RET: variants seen among roughly 807,000 people sequenced by gnomAD.
The protein encoded by RET is ret proto-oncogene.
RET carries 19 observed loss-of-function variants against 118.3 expected under a neutral mutation model. That is an observed-to-expected ratio of 0.16 (90% confidence interval 0.11 to 0.24). The LOEUF is 0.24. Among genes scored for constraint, RET ranks in the 10% least tolerant of loss-of-function variants. The pLI is 1.00. For missense variants in RET, 1,219 were observed against 1,502.1 expected (o/e 0.81, Z 3.12); for synonymous variants, 597 against 644.1 (o/e 0.93, Z 1.11).
intron 1 of RET, among the ~76,000 whole-genome samples, chr10:43,095,337 G>T (rs547132038): frequency 4.5e-4 from 69 of 152,258 alleles, no homozygotes; most frequent in African/African-American, 1.6e-3. Flanking sequence ...CCTAGAAAAG[G>T]CAGGTGTAAC....
chr10:43,121,156 T>G (rs1462650402), intron 15 of RET, among the ~76,000 whole-genome samples: 1 of 152,186 alleles, frequency 6.6e-6, no homozygotes. Flanking sequence ...GTTGATGCAC[T>G]GGTCCTCCAG....
chr10:43,103,049 G>T (rs983629556), intron 3 of RET, among the ~76,000 whole-genome samples: 1 of 152,206 alleles, frequency 6.6e-6, no homozygotes, highest in African/African-American at 2.4e-5. Flanking sequence ...GGAGGGTGCC[G>T]GGTAGGCAGG....
chr10:43,091,494 G>T (rs1463300619), intron 1 of RET, among the ~76,000 whole-genome samples: 2 of 152,014 alleles, frequency 1.3e-5, no homozygotes, highest in African/African-American at 4.8e-5. Flanking sequence ...AGCCAGGCGT[G>T]GTGGCAGGTG....
intron 16 of RET, 103 bp from the exon 17 acceptor site, chr10:43,123,568 C>A: frequency 6.7e-7 from 1 of 1,487,184 alleles, no homozygotes; most frequent in South Asian, 1.1e-5. Flanking sequence ...TTGAAGCCGA[C>A]AGGGTCAGCA....
rs1837661067 is a variant in RET at position 43,102,455 on chromosome 10, A to G, written c.451A>G (p.Asn151Asp). The stretch of plus-strand genomic sequence containing the variant: ...TGCCCGCGTATACTTCTCCTTCTTC[A>G]ACACCTCCTTTCCAGCCTGCAGCTC... ...GCARVYFSFF[N>D]TSFPACSSLK... Residue 151 changes from asparagine to aspartate, a missense_variant, in exon 3 of 20, where the codon AAC becomes GAC. Asn to Asp is a conservative substitution (Grantham distance 23). Transcript: ENST00000355710. 1.2e-6 allele frequency: 2 copies of G among 1,613,990 alleles called. No individual in the cohort carries two copies. The highest frequency in any genetic ancestry group is 1.7e-6 in the Non-Finnish European group (2 of 1,180,022).
rs1241896649 is a variant in RET, at chr10:43,114,989, G to A, written c.2136+253G>A. ...CACAGCATCGGGCAGGGGAGCAGCAGTGTGGATGGAGGGGCACTGAAGTCA... is the reference window on the plus strand; with the variant it reads ...CACAGCATCGGGCAGGGGAGCAGCAATGTGGATGGAGGGGCACTGAAGTCA... On this transcript the variant is annotated intron_variant, in intron 11 of 19. Coordinates refer to ENST00000355710, the MANE Select transcript of RET (RefSeq NM_020975.6). This position sits in a 1 kb window ranked among gnomAD's most constrained non-coding sequence, Gnocchi z 4.6. Among the ~76,000 whole-genome samples the A allele has an allele frequency of 6.6e-6, 1 of 152,196 alleles. No individual in the cohort carries two copies. The highest frequency in any genetic ancestry group is 1.5e-5 in the Non-Finnish European group (1 of 68,022).
At chr10:43,090,467 G>C (rs1350269703) in intron 1 of RET, among the ~76,000 whole-genome samples, 2 of 152,078 alleles carry the variant, frequency 1.3e-5, no homozygotes, top group African/African-American at 4.8e-5. Flanking sequence ...CTCTGCTGAG[G>C]CCTCAGATGG....
rs951636282 is a variant in RET, at chr10:43,120,264, C to T, written c.2730+61C>T. ...GATCCCAGGTGCACCATGGGGCAGG[C>T]AGTGCCCTTGGGAAGCCTAGGAAAG... On this transcript the variant is annotated intron_variant, in intron 15 of 19. Transcript: ENST00000355710. 6.2e-6 allele frequency: 10 copies of T among 1,601,666 alleles called. No homozygotes were observed. In the African/African-American group the frequency reaches 1.1e-4, roughly 17 times the overall value.
Position 43,114,482 on chromosome 10 carries a change from C to A in RET, c.1882C>A (p.Pro628Thr), listed in dbSNP as rs754466051. Residue 628 changes from proline to threonine, a missense_variant and splice_region_variant, in exon 11 of 20, where the codon CCA becomes ACA. This residue lies in a region of RET where 850 missense variants were observed against 969.6 expected (regional missense o/e 0.88). Transcript: ENST00000355710. This position sits in a 1 kb window ranked among gnomAD's most constrained non-coding sequence, Gnocchi z 4.6. Reference sequence around the variant, plus strand: ...CCTCACACCACCCCCACCCACAGATCCACTGTGCGACGAGCTGTGCCGCAC... The same window carrying A: ...CCTCACACCACCCCCACCCACAGATACACTGTGCGACGAGCTGTGCCGCAC... ...CFCEPEDIQD[P>T]LCDELCRTVI... The A allele has an allele frequency of 1.2e-6, 2 of 1,606,466 alleles. No homozygotes were observed. Among genetic ancestry groups the A allele is most frequent in the South Asian group, 1.1e-5 (1 of 91,062 alleles).
chr10:43,110,157 C>CG (rs922297712), intron 6 of RET, among the ~76,000 whole-genome samples: 58 of 151,032 alleles, frequency 3.8e-4, no homozygotes, highest in East Asian at 1.2e-3. Context: ...CAGAGGGCCC[C>CG]GGGGGGTCTC....
At chr10:43,094,969 C>T (rs1484660263) in intron 1 of RET, among the ~76,000 whole-genome samples, 1 of 152,074 alleles carries the variant, frequency 6.6e-6, no homozygotes, top group Non-Finnish European at 1.5e-5. Context: ...CCCACGTGGT[C>T]CCTGAGACAG....
chr10:43,083,320 A>G (rs1837225314), intron 1 of RET, among the ~76,000 whole-genome samples: 2 of 152,108 alleles, frequency 1.3e-5, no homozygotes, highest in African/African-American at 4.8e-5. Context: ...TAGCCTCCCC[A>G]CCACCTGTAT....
intron 1 of RET, among the ~76,000 whole-genome samples, chr10:43,098,218 T>C (rs1246593357): frequency 6.6e-6 from 1 of 152,158 alleles, no homozygotes; most frequent in African/African-American, 2.4e-5. Flanking sequence ...TTAAACTCTG[T>C]CCCTATCAAA....
chr10:43,106,922 G>A lies in RET; in HGVS notation c.1063+351G>A, dbSNP rs1009103064. Among the ~76,000 whole-genome samples the A allele has an allele frequency of 6.6e-6, 1 of 152,138 alleles. No homozygotes were observed. Among genetic ancestry groups the A allele is most frequent in the Non-Finnish European group, 1.5e-5 (1 of 68,022 alleles). On this transcript the variant is annotated intron_variant, in intron 5 of 19. Transcript: ENST00000355710. The surrounding 1 kb of genome is among the most constrained non-coding windows in gnomAD (Gnocchi z 5.1). Reference sequence around the variant, plus strand: ...CCTGGCACTCCATCGTTGCCCCTAAGGCGTCCCAAGTGCTTACGGATTATT... The same window carrying A: ...CCTGGCACTCCATCGTTGCCCCTAAAGCGTCCCAAGTGCTTACGGATTATT...
At chr10:43,109,332 A>G in intron 6 of RET, 102 bp downstream of exon 6, 1 of 1,186,308 alleles carries the variant, frequency 8.4e-7, no homozygotes, top group South Asian at 1.3e-5. Flanking sequence ...ACCAGCACAG[A>G]GTAGACTGGG....
chr10:43,095,598 C>T lies in RET; in HGVS notation c.74-4861C>T, dbSNP rs184321616. ...TTAAACAGCCCAGCCACGTGTGGAA[C>T]ATTGGAAACAGTCTAGCACTTCACT... On this transcript the variant is annotated intron_variant, in intron 1 of 19. Coordinates refer to ENST00000355710, the MANE Select transcript of RET (RefSeq NM_020975.6). Among the ~76,000 whole-genome samples the T allele has an allele frequency of 1.2e-4, 18 of 152,350 alleles. No homozygotes were observed. The East Asian group carries it at 3.5e-3, about 29-fold the overall frequency.
At chr10:43,123,463 G>C (rs576327873) in intron 16 of RET, among the ~76,000 whole-genome samples, 2 of 152,314 alleles carry the variant, frequency 1.3e-5, no homozygotes, top group East Asian at 3.9e-4. Context: ...CAGCTTCATG[G>C]AGTAGGGGCC....
At chr10:43,096,107 C>T (rs1167968577) in intron 1 of RET, among the ~76,000 whole-genome samples, 1 of 152,218 alleles carries the variant, frequency 6.6e-6, no homozygotes, top group African/African-American at 2.4e-5. Flanking sequence ...AGGGAGGATT[C>T]TGTCACCACG....
Position 43,113,598 on chromosome 10 carries a change from G to C in RET, c.1802G>C (p.Gly601Ala), listed in dbSNP as rs1422068537. 6.2e-7 allele frequency: 1 copy of C among 1,612,362 alleles called. No individual in the cohort carries two copies. Among genetic ancestry groups the C allele is most frequent in the Non-Finnish European group, 8.5e-7 (1 of 1,179,504 alleles). ...VGGHEPGEPR[G>A]IKAGYGTCNC... ...GGACACGAGCCTGGGGAGCCCCGGG[G>C]GATTAAAGCTGGCTATGGCACCTGC... The change falls in exon 10 of 20, where the codon GGG (glycine) becomes GCG (alanine). Residue 601 changes from glycine (G) to alanine (A), a missense_variant. By Grantham distance (60) the Gly-to-Ala change is moderately conservative. Around this residue, in one of 5 missense-constraint regions of RET, gnomAD observed 850 missense variants for 969.6 expected, o/e 0.88. Coordinates refer to ENST00000355710, the MANE Select transcript of RET (RefSeq NM_020975.6).
Sources: gnomAD v4.1 joint callset for allele counts (sites outside exome capture counted in the v4.1 genomes callset) on GRCh38, gnomAD v4.1.1 for gene constraint, gnomAD v4.1.1 regional missense constraint, Gnocchi (gnomAD v3.1) non-coding constraint, MANE v1.5 for transcripts, NCBI Gene and HGNC (gene_info 2026-07-23, HGNC 2026-07-21) for gene names.